Variants in PLXNA4 observed in about 807,000 individuals in gnomAD.
PLXNA4 encodes plexin-A4.
In PLXNA4, 44 loss-of-function variants were observed where a neutral mutation model predicts 191.8. That is an observed-to-expected ratio of 0.23 (90% confidence interval 0.18 to 0.29). The LOEUF (loss-of-function observed/expected upper bound fraction) is 0.29, where lower values mean the gene tolerates loss of function less well. PLXNA4 is among the 10% of genes least tolerant of loss of function. PLXNA4 has a pLI of 1.00. For synonymous variants in PLXNA4, 1,082 were observed against 1,009.5 expected, an observed-to-expected ratio of 1.07 and a Z score of -1.36; for missense variants, 1,800 against 2,488.8, an observed-to-expected ratio of 0.72 and a Z score of 5.89.
chr7:132,367,785 C>A (rs1173524840), intron 3 of PLXNA4: 1 of 152,242 alleles, frequency 6.6e-6, no homozygotes, highest in Non-Finnish European at 1.5e-5. Flanking sequence ...AGGGCACCTG[C>A]AGGGATGGAA....
rs368940551 is a variant in PLXNA4 at position 132,211,003 on chromosome 7, G to T, written c.2238C>A (p.Ser746Arg). Residue 746 changes from serine to arginine, a missense_variant, in exon 10 of 32, where the codon AGC becomes AGA. By Grantham distance (110) the Ser-to-Arg change is moderately radical (BLOSUM62 -1). Transcript: ENST00000321063. ...GYECILNIQG[S>R]EQRVPALRFN... is the part of the protein sequence containing the mutation. The stretch of plus-strand genomic sequence containing the variant: ...AGCGCAGGGCGGGCACTCGCTGCTC[G>T]CTGCCCTGAATGTTGAGGATGCATT... The T allele has an allele frequency of 1.2e-6, 2 of 1,613,916 alleles. No homozygotes were observed. The highest frequency in any genetic ancestry group is 2.2e-5 in the East Asian group (1 of 44,870).
intron 4 of PLXNA4, among the ~76,000 whole-genome samples, chr7:132,272,850 C>T (rs1800128060): frequency 6.6e-6 from 1 of 152,144 alleles, no homozygotes; most frequent in Admixed American, 6.5e-5. Context: ...TCATATTTGG[C>T]CTCCTTAAGA....
intron 3 of PLXNA4, among the ~76,000 whole-genome samples, chr7:132,471,436 G>C (rs1331264942): frequency 6.6e-6 from 1 of 152,138 alleles, no homozygotes; most frequent in Non-Finnish European, 1.5e-5. Flanking sequence ...TTCCTGGTGA[G>C]GTGCCCCTCT....
intron 3 of PLXNA4, among the ~76,000 whole-genome samples, chr7:132,420,214 A>G (rs1395048794): frequency 6.6e-6 from 1 of 152,196 alleles, no homozygotes; most frequent in East Asian, 1.9e-4. Context: ...TATTTAATTG[A>G]TGGTCTCTGT....
intron 1 of PLXNA4, among the ~76,000 whole-genome samples, chr7:132,570,352 A>G (rs1801923089): frequency 6.6e-6 from 1 of 152,174 alleles, no homozygotes; most frequent in Admixed American, 6.5e-5. Flanking sequence ...GACGTCTGCT[A>G]CTGTCTCCTC....
At chr7:132,458,199 A>G (rs1201810060) in intron 3 of PLXNA4, among the ~76,000 whole-genome samples, 4 of 151,934 alleles carry the variant, frequency 2.6e-5, no homozygotes, top group South Asian at 2.1e-4. Flanking sequence ...TCTGGTGAGG[A>G]TATTAACCAG....
intron 3 of PLXNA4, among the ~76,000 whole-genome samples, chr7:132,327,002 A>T: frequency 9.1e-6 from 1 of 109,598 alleles, no homozygotes; most frequent in Non-Finnish European, 2.1e-5. Context: ...GGAGGGAGGG[A>T]AGGAAGAAAA....
chr7:132,555,401 G>A (rs985316896), intron 1 of PLXNA4, among the ~76,000 whole-genome samples: 1 of 152,180 alleles, frequency 6.6e-6, no homozygotes, highest in African/African-American at 2.4e-5. Context: ...GTTAGAAACA[G>A]ATGTGACTAT....
chr7:132,140,121 G>A (rs1343697324), intron 30 of PLXNA4, among the ~76,000 whole-genome samples: 1 of 152,230 alleles, frequency 6.6e-6, no homozygotes, highest in African/African-American at 2.4e-5. Context: ...GATGGGGAGA[G>A]TGAGAAACTG....
chr7:132,206,269 G>A (rs138718526), intron 10 of PLXNA4, among the ~76,000 whole-genome samples: 6 of 152,276 alleles, frequency 3.9e-5, no homozygotes, highest in Non-Finnish European at 7.3e-5. Flanking sequence ...ATGTGATTGC[G>A]TATTTTAGTC....
In PLXNA4 at chr7:132,366,562, ATTTC is replaced by A. The variant is rs552916534; in HGVS notation, c.1372-68344_1372-68341del. Reference sequence around the variant, plus strand: ...AGAGAGAGAGAATTAAATAAGAAGTATTTCTTTCTCTTGGCTACCTCAAAGTAGG... The same window carrying A: ...AGAGAGAGAGAATTAAATAAGAAGTATTTCTCTTGGCTACCTCAAAGTAGG... On this transcript the variant is annotated intron_variant, in intron 3 of 31. Transcript: ENST00000321063. Among the ~76,000 whole-genome samples the A allele has an allele frequency of 1.8e-4, 27 of 152,178 alleles. No homozygotes were observed. In the South Asian group the frequency reaches 5.6e-3, roughly 32 times the overall value.
intron 3 of PLXNA4, among the ~76,000 whole-genome samples, chr7:132,404,362 G>A (rs960570997): frequency 3.0e-4 from 45 of 152,204 alleles, no homozygotes; most frequent in African/African-American, 9.6e-4. Flanking sequence ...CAACCAAAAC[G>A]ATATGCAGCC....
chr7:132,517,672 GT>G (rs1798995172), intron 1 of PLXNA4, among the ~76,000 whole-genome samples: 1 of 152,158 alleles, frequency 6.6e-6, no homozygotes, highest in Non-Finnish European at 1.5e-5. Flanking sequence ...CCCCTCCCTT[GT>G]TTCCAAAGCC....
chr7:132,243,153 A>G (rs1012495812), intron 4 of PLXNA4, among the ~76,000 whole-genome samples: 1 of 152,254 alleles, frequency 6.6e-6, no homozygotes, highest in Non-Finnish European at 1.5e-5. Flanking sequence ...CAGTTTGTTT[A>G]GTAGACAGAA....
chr7:132,629,373 G>T (rs958866002), intron 2 of PLXNA4, among the ~76,000 whole-genome samples: 7 of 152,196 alleles, frequency 4.6e-5, no homozygotes, highest in Non-Finnish European at 1.0e-4. Context: ...TGAGTATGTA[G>T]ACTTGTAAAG....
intron 2 of PLXNA4, among the ~76,000 whole-genome samples, chr7:132,629,852 C>CTT (rs1470410222): frequency 2.7e-5 from 4 of 148,932 alleles, no homozygotes; most frequent in African/African-American, 4.9e-5. Flanking sequence ...TCTAGTGTCT[C>CTT]TTCTCTTTTT....
intron 2 of PLXNA4, among the ~76,000 whole-genome samples, chr7:132,495,438 C>G (rs1377691301): frequency 6.6e-6 from 1 of 152,180 alleles, no homozygotes; most frequent in African/African-American, 2.4e-5. Flanking sequence ...CTAAGCTGAT[C>G]CTGAAGAGGC....
At chr7:132,624,491 G>T (rs1409833859) in intron 2 of PLXNA4, among the ~76,000 whole-genome samples, 1 of 152,150 alleles carries the variant, frequency 6.6e-6, no homozygotes, top group Non-Finnish European at 1.5e-5. Context: ...ACATGGGGGT[G>T]TGTGTGTGGG....
intron 3 of PLXNA4, among the ~76,000 whole-genome samples, chr7:132,325,753 C>A (rs73157295): frequency 0.036 from 5,513 of 152,242 alleles, 155 homozygotes; most frequent in Middle Eastern, 0.068. Flanking sequence ...ACTCCTAATG[C>A]CCCAGGCCAC....
Sources: allele counts gnomAD v4.1 joint callset (sites outside exome capture counted in the v4.1 genomes callset), GRCh38; gene constraint gnomAD v4.1.1; transcripts MANE v1.5; gene names NCBI Gene and HGNC (gene_info 2026-07-23, HGNC 2026-07-21).